Variants in ASIC2 observed in about 807,000 individuals in gnomAD.
ASIC2 encodes acid-sensing ion channel 2.
In ASIC2, 25 loss-of-function variants were observed where a neutral mutation model predicts 57.3. The observed-to-expected ratio is 0.44, with a 90% confidence interval of 0.32 to 0.61. ASIC2 has a LOEUF of 0.61. ASIC2 is among the 20% of genes least tolerant of loss of function. The probability of loss-of-function intolerance (pLI) is 0.06; values close to 1 mark genes in which losing one functional copy is unlikely to be tolerated. For missense variants in ASIC2, 641 were observed against 738.1 expected, an observed-to-expected ratio of 0.87 and a Z score of 1.52; for synonymous variants, 319 against 307.5, an observed-to-expected ratio of 1.04 and a Z score of -0.39.
intron 1 of ASIC2, among the ~76,000 whole-genome samples, chr17:33,945,206 A>G (rs955220878): frequency 2.0e-5 from 3 of 152,128 alleles, no homozygotes; most frequent in African/African-American, 7.2e-5. Context: ...TTTCCATCTT[A>G]GAAAGGGAGT....
chr17:33,142,107 T>C (rs527605908), intron 1 of ASIC2, among the ~76,000 whole-genome samples: 1 of 152,350 alleles, frequency 6.6e-6, no homozygotes, highest in Non-Finnish European at 1.5e-5. Context: ...TGTTGCTTTT[T>C]CAGCACTCTG....
chr17:34,063,835 T>C (rs1159413610), intron 1 of ASIC2, among the ~76,000 whole-genome samples: 1 of 152,148 alleles, frequency 6.6e-6, no homozygotes, highest in African/African-American at 2.4e-5. Context: ...GAAAGACCTC[T>C]AGAAGGAAAA....
intron 1 of ASIC2, among the ~76,000 whole-genome samples, chr17:33,209,444 G>C (rs772019986): frequency 6.6e-6 from 1 of 152,144 alleles, no homozygotes. Flanking sequence ...CAGCACTATT[G>C]ACATTTATAG....
At chr17:33,230,052 G>A (rs890728696) in intron 1 of ASIC2, among the ~76,000 whole-genome samples, 1 of 152,160 alleles carries the variant, frequency 6.6e-6, no homozygotes, top group Admixed American at 6.5e-5. Context: ...CAGGACATCT[G>A]TTCCCTCCCC....
intron 1 of ASIC2, among the ~76,000 whole-genome samples, chr17:33,354,028 A>G (rs1208012886): frequency 1.3e-5 from 2 of 152,162 alleles, no homozygotes; most frequent in Admixed American, 6.5e-5. Context: ...GAGCAAAGGC[A>G]TGTCTTACAT....
intron 1 of ASIC2, among the ~76,000 whole-genome samples, chr17:33,445,368 T>C (rs1294341602): frequency 6.6e-6 from 1 of 152,220 alleles, no homozygotes; most frequent in Non-Finnish European, 1.5e-5. Context: ...GAGGCAGATG[T>C]TGCAGTGAGC....
chr17:33,778,376 T>C (rs902131215), intron 1 of ASIC2, among the ~76,000 whole-genome samples: 5 of 152,176 alleles, frequency 3.3e-5, no homozygotes, highest in Admixed American at 3.3e-4. Flanking sequence ...CTTGCTTGCT[T>C]ACCAGGCTTT....
At position 33,258,850 on chromosome 17, in the gene ASIC2, C is replaced by T. The variant is rs1466418821; in HGVS notation, c.708+32558G>A. 4.6e-5 allele frequency among the ~76,000 whole-genome samples: 7 copies of T among 152,222 alleles called. No individual in the cohort carries two copies. The East Asian group carries it at 5.8e-4, about 13-fold the overall frequency. The stretch of plus-strand genomic sequence containing the variant: ...AGACCATCTGGCTTCAAGGCATATG[C>T]TCCTAACCACTAGGATACATTGCTA... On this transcript the variant is annotated intron_variant, in intron 1 of 9. Coordinates refer to ENST00000225823, the MANE Select transcript of ASIC2 (RefSeq NM_183377.2).
chr17:34,025,250 C>G (rs1907330540), intron 1 of ASIC2, among the ~76,000 whole-genome samples: 1 of 152,198 alleles, frequency 6.6e-6, no homozygotes, highest in Non-Finnish European at 1.5e-5. Flanking sequence ...TCACTGCTGC[C>G]CTTGCTAACA....
chr17:33,872,341 A>C (rs1278711674), intron 1 of ASIC2, among the ~76,000 whole-genome samples: 1 of 152,188 alleles, frequency 6.6e-6, no homozygotes, highest in East Asian at 1.9e-4. Flanking sequence ...CTGAGGGGTC[A>C]GGCAGGAAGA....
chr17:34,099,148 GAGAGAGAGAGAGAGAGAAAGAAAGAA>G (rs1567820850), intron 1 of ASIC2, among the ~76,000 whole-genome samples: 3 of 13,986 alleles, frequency 2.1e-4, no homozygotes, highest in African/African-American at 6.8e-4. Context: ...GAGAGAGACA[GAGAGAGAGAGAGAGAGAAAGAAAGAA>G]AGAAAGAAAG....
At chr17:33,838,697 G>A (rs754125496) in intron 1 of ASIC2, among the ~76,000 whole-genome samples, 11 of 152,078 alleles carry the variant, frequency 7.2e-5, no homozygotes, top group Non-Finnish European at 1.5e-4. Flanking sequence ...GCAGCATGTC[G>A]CTTTATGATC....
At chr17:33,042,050 G>T (rs190456207) in intron 3 of ASIC2, among the ~76,000 whole-genome samples, 1 of 152,164 alleles carries the variant, frequency 6.6e-6, no homozygotes, top group East Asian at 1.9e-4. Context: ...GAGCCATAAT[G>T]TTCAGTTTGA....
intron 1 of ASIC2, among the ~76,000 whole-genome samples, chr17:33,468,915 A>G (rs1912949237): frequency 6.6e-6 from 1 of 152,164 alleles, no homozygotes; most frequent in South Asian, 2.1e-4. Flanking sequence ...AAACATGGAC[A>G]CTGCGGACTG....
In ASIC2 at chr17:33,877,679, G is replaced by T. The variant is rs544834095; in HGVS notation, c.555+278299C>A. 3.9e-5 allele frequency among the ~76,000 whole-genome samples: 6 copies of T among 152,352 alleles called. No individual in the cohort carries two copies. The South Asian group carries it at 1.0e-3, about 26-fold the overall frequency. On this transcript the variant is annotated intron_variant, in intron 1 of 9. Coordinates refer to the ASIC2 transcript ENST00000359872. ...CCTGCCTCTGTAGACTCCACCTCTG[G>T]GGGCAGGGCACAGCCAAACAAAAGG...
intron 1 of ASIC2, among the ~76,000 whole-genome samples, chr17:33,748,319 CCAA>C: frequency 6.6e-6 from 1 of 152,200 alleles, no homozygotes; most frequent in Non-Finnish European, 1.5e-5. Flanking sequence ...ATCTTGAACC[CCAA>C]ACTCTGGTCC....
At chr17:33,061,078 T>C (rs556552369) in intron 3 of ASIC2, among the ~76,000 whole-genome samples, 4 of 152,334 alleles carry the variant, frequency 2.6e-5, no homozygotes, top group Non-Finnish European at 5.9e-5. Flanking sequence ...CGATGGGGTT[T>C]TCTAGATATA....
At chr17:33,149,572 G>A (rs1904703390) in intron 1 of ASIC2, among the ~76,000 whole-genome samples, 1 of 152,074 alleles carries the variant, frequency 6.6e-6, no homozygotes, top group Non-Finnish European at 1.5e-5. Flanking sequence ...TAAACATTCA[G>A]GTGACTGAAA....
rs146112814 is a variant in ASIC2, at chr17:33,633,090, G to T, written c.556-521023C>A. The stretch of plus-strand genomic sequence containing the variant: ...ACATCAGGCTGAGTGAAGGCAACAT[G>T]ATTTTGCCTCAGTGCTGCCTTTCTT... On this transcript the variant is annotated intron_variant, in intron 1 of 9. Coordinates refer to the ASIC2 transcript ENST00000359872. 2.0e-4 allele frequency among the ~76,000 whole-genome samples: 31 copies of T among 152,284 alleles called. No individual in the cohort carries two copies. In the East Asian group the frequency reaches 5.8e-3, roughly 29 times the overall value.
Sources: gnomAD v4.1 joint callset for allele counts (sites outside exome capture counted in the v4.1 genomes callset) on GRCh38, gnomAD v4.1.1 for gene constraint, MANE v1.5 for transcripts, NCBI Gene and HGNC (gene_info 2026-07-23, HGNC 2026-07-21) for gene names.